The following PTPRG variants were observed in gnomAD, a reference collection of about 807,000 sequenced individuals.
The protein encoded by PTPRG is protein tyrosine phosphatase receptor type G, also known as receptor-type tyrosine-protein phosphatase gamma.
Under a neutral mutation model 165.3 loss-of-function variants are expected in PTPRG, and 102 were observed. That is an observed-to-expected ratio of 0.62 (90% CI 0.53 to 0.73). The LOEUF is 0.73. Ranked by LOEUF, PTPRG falls within the 30% of genes least tolerant of loss-of-function variation. PTPRG has a pLI of 0.00. For missense variants in PTPRG, 1,866 were observed against 1,861.4 expected (o/e 1.00, Z -0.05); for synonymous variants, 675 against 669.5 (o/e 1.01, Z -0.13).
intron 1 of PTPRG, among the ~76,000 whole-genome samples, chr3:61,708,885 A>G (rs1455830822): frequency 1.3e-5 from 2 of 152,242 alleles, no homozygotes; most frequent in Non-Finnish European, 2.9e-5. Flanking sequence ...AGAGCCTTTC[A>G]GGGGCGCACT....
In PTPRG at chr3:61,792,031, C is replaced by G. The variant is rs554362509; in HGVS notation, c.190+43049C>G. On this transcript the variant is annotated intron_variant, in intron 2 of 29. Coordinates refer to ENST00000474889, the MANE Select transcript of PTPRG (RefSeq NM_002841.4). ...TCTTTAGTTCTAGACACTGGAATGC[C>G]TCACTTGTTAGAGCTCCCCTTTTTG... 3.5e-4 allele frequency among the ~76,000 whole-genome samples: 54 copies of G among 152,254 alleles called. 1 individual carries two copies. In the South Asian group the frequency reaches 0.011, roughly 30 times the overall value.
At chr3:61,730,491 G>A (rs1029905388) in intron 1 of PTPRG, among the ~76,000 whole-genome samples, 1 of 152,154 alleles carries the variant, frequency 6.6e-6, no homozygotes, top group Non-Finnish European at 1.5e-5. Flanking sequence ...AATGATTTGA[G>A]CAAATTAGTG....
chr3:62,178,739 C>A (rs1272099350), intron 8 of PTPRG, among the ~76,000 whole-genome samples: 1 of 152,172 alleles, frequency 6.6e-6, no homozygotes, highest in Non-Finnish European at 1.5e-5. Context: ...TACCTAATTA[C>A]TTAATCCTCT....
intron 2 of PTPRG, among the ~76,000 whole-genome samples, chr3:61,823,259 C>T (rs922197446): frequency 6.6e-6 from 1 of 152,164 alleles, no homozygotes; most frequent in Non-Finnish European, 1.5e-5. Flanking sequence ...GGCACCATCT[C>T]AGCTTACTAC....
At chr3:61,793,880 G>A (rs763890815) in intron 2 of PTPRG, among the ~76,000 whole-genome samples, 3 of 152,120 alleles carry the variant, frequency 2.0e-5, no homozygotes, top group Non-Finnish European at 4.4e-5. Flanking sequence ...GTTTCTCCCT[G>A]CCATACAGAA....
chr3:61,736,432 T>G (rs2032725729), intron 1 of PTPRG, among the ~76,000 whole-genome samples: 1 of 150,720 alleles, frequency 6.6e-6, no homozygotes, highest in African/African-American at 2.5e-5. Flanking sequence ...GTATTTGGCT[T>G]GATTCTCATT....
rs1559659576 is a variant in PTPRG at position 62,213,528 on chromosome 3, A to AC, written c.2156-5321dup. Among the ~76,000 whole-genome samples, 2 of 152,102 alleles carry AC rather than the reference A, an allele frequency of 1.3e-5. No individual in the cohort carries two copies. On this transcript the variant is annotated intron_variant, in intron 12 of 29. Transcript: ENST00000474889. The surrounding 1 kb of genome is among the most constrained non-coding windows in gnomAD (Gnocchi z 4.4). ...CAGGACTCCCCGAGAGGTGAGTGTT[A>AC]CCATTTGTCTCCCTTTGATACAGGA...
intron 5 of PTPRG, among the ~76,000 whole-genome samples, chr3:62,097,234 A>T (rs550003042): frequency 6.6e-6 from 1 of 152,200 alleles, no homozygotes. Flanking sequence ...CGCCCTTTTC[A>T]GTTCCTTCAG....
chr3:62,151,136 G>A (rs1704320373), intron 6 of PTPRG, among the ~76,000 whole-genome samples: 1 of 152,142 alleles, frequency 6.6e-6, no homozygotes, highest in African/African-American at 2.4e-5. Flanking sequence ...TCCTTGCACT[G>A]CTATCAGAAG....
chr3:61,682,735 C>T (rs1159789338), intron 1 of PTPRG, among the ~76,000 whole-genome samples: 1 of 152,182 alleles, frequency 6.6e-6, no homozygotes, highest in Non-Finnish European at 1.5e-5. Context: ...CAGTCATAAT[C>T]CTTTGTTCAT....
intron 4 of PTPRG, among the ~76,000 whole-genome samples, chr3:62,073,721 T>C (rs1450856176): frequency 6.6e-6 from 1 of 152,172 alleles, no homozygotes; most frequent in Non-Finnish European, 1.5e-5. Flanking sequence ...CCTCAAGTGA[T>C]CCATCCACCT....
intron 1 of PTPRG, among the ~76,000 whole-genome samples, chr3:61,585,280 CAAAAAAAA>C (rs3039784): frequency 1.2e-5 from 1 of 81,332 alleles, no homozygotes; most frequent in Non-Finnish European, 2.9e-5. Flanking sequence ...GACCCTGTCT[CAAAAAAAA>C]AAAAAAAAAA....
In PTPRG at chr3:61,743,120, G is replaced by A. The variant is rs531177015; in HGVS notation, c.86-5758G>A. On this transcript the variant is annotated intron_variant, in intron 1 of 29. Transcript: ENST00000474889. ...ACTGCTGCTCATGGCTTCTCACGCCGCGCTAACCGGAAAAGAGCGGGTCTG... is the reference window on the plus strand; with the variant it reads ...ACTGCTGCTCATGGCTTCTCACGCCACGCTAACCGGAAAAGAGCGGGTCTG... 110 of 1,346,162 alleles carry A rather than the reference G, an allele frequency of 8.2e-5. No individual in the cohort carries two copies. The Middle Eastern group carries it at 9.7e-4, about 12-fold the overall frequency. The allele number at this position is 1,346,162 out of a possible 1,614,324, so 83.4% of individuals were successfully genotyped here. A position where few individuals can be genotyped will look rare whatever the true frequency, so the allele number is the denominator to read the frequency against.
chr3:61,961,652 T>C (rs2040155609), intron 2 of PTPRG, among the ~76,000 whole-genome samples: 2 of 152,154 alleles, frequency 1.3e-5, no homozygotes, highest in Non-Finnish European at 2.9e-5. Context: ...GCTTGAAAAA[T>C]CTTAAGGTTT....
intron 4 of PTPRG, among the ~76,000 whole-genome samples, chr3:62,037,034 C>A (rs1034487263): frequency 6.6e-6 from 1 of 151,908 alleles, no homozygotes; most frequent in Non-Finnish European, 1.5e-5. Context: ...ACAAAAGCCA[C>A]TAATAGTAAT....
intron 2 of PTPRG, among the ~76,000 whole-genome samples, chr3:61,972,658 C>CA (rs2040411051): frequency 7.3e-6 from 1 of 137,722 alleles, no homozygotes. Context: ...TTTTTCTTTT[C>CA]TTTTTTTTTT....
At chr3:61,706,601 C>T (rs1315552986) in intron 1 of PTPRG, among the ~76,000 whole-genome samples, 1 of 151,160 alleles carries the variant, frequency 6.6e-6, no homozygotes, top group Non-Finnish European at 1.5e-5. Flanking sequence ...TCAAGCGATT[C>T]TCTTGCCTCA....
rs1264048269 is a variant in PTPRG at position 62,252,756 on chromosome 3, A to G, written c.2468-2368A>G. Among the ~76,000 whole-genome samples the G allele has an allele frequency of 6.6e-6, 1 of 152,226 alleles. No homozygotes were observed. Among genetic ancestry groups the G allele is most frequent in the Non-Finnish European group, 1.5e-5 (1 of 68,034 alleles). On this transcript the variant is annotated intron_variant, in intron 15 of 29. Coordinates refer to ENST00000474889, the MANE Select transcript of PTPRG (RefSeq NM_002841.4). The surrounding 1 kb of genome is among the most constrained non-coding windows in gnomAD (Gnocchi z 4.6). ...CTTATATTCATCTCAGTATAAAGAA[A>G]AGAGATTTATGACTCCTCAGCTATT...
At chr3:61,698,083 GTCT>G (rs879782135) in intron 1 of PTPRG, among the ~76,000 whole-genome samples, 2 of 152,038 alleles carry the variant, frequency 1.3e-5, no homozygotes, top group Admixed American at 1.3e-4. Context: ...ATTTCTTAGA[GTCT>G]TCATTTCCAA....
Sources: allele counts gnomAD v4.1 joint callset (sites outside exome capture counted in the v4.1 genomes callset), GRCh38; gene constraint gnomAD v4.1.1; non-coding constraint Gnocchi (gnomAD v3.1); transcripts MANE v1.5; gene names NCBI Gene and HGNC (gene_info 2026-07-23, HGNC 2026-07-21).